The following ZNF827 variants were observed in gnomAD, a reference collection of about 807,000 sequenced individuals.
ZNF827 encodes the protein zinc finger protein 827.
A neutral mutation model predicts 102.4 loss-of-function variants in ZNF827; 13 were observed. The ratio of observed to expected loss-of-function variants is 0.13; its 90% CI spans 0.08 to 0.20. The LOEUF is 0.20. ZNF827 is among the 10% of genes least tolerant of loss of function. ZNF827 has a pLI of 1.00. For missense variants in ZNF827, 1,103 were observed against 1,344.4 expected (o/e 0.82, Z 2.81); for synonymous variants, 523 against 536.2 (o/e 0.98, Z 0.34).
At chr4:145,843,256 A>G (rs1175794155) in intron 7 of ZNF827, among the ~76,000 whole-genome samples, 1 of 150,630 alleles carries the variant, frequency 6.6e-6, no homozygotes, top group East Asian at 1.9e-4. Context: ...AGGACTTTGT[A>G]GAACTATAAG....
rs753753436 is a variant in ZNF827, at chr4:145,892,392, G to A, written c.1117C>T (p.Pro373Ser). ...NSASEEESGKPFQCPICGLVI... is the reference protein window; with the variant it reads ...NSASEEESGKSFQCPICGLVI... The stretch of plus-strand genomic sequence containing the variant: ...AAACCACATATTGGACACTGGAAAG[G>A]CTTTCCACTTTCCTCTTCTGAGGCT... Residue 373 changes from proline to serine, a missense_variant, in exon 3 of 15, where the codon CCT (proline) becomes TCT (serine). This residue lies in a region of ZNF827 where 441 missense variants were observed against 458.6 expected (regional missense o/e 0.96). Coordinates refer to ENST00000508784, the MANE Select transcript of ZNF827 (RefSeq NM_001306215.2). 6.2e-7 allele frequency: 1 copy of A among 1,613,874 alleles called. No homozygotes were observed. Among genetic ancestry groups the A allele is most frequent in the Non-Finnish European group, 8.5e-7 (1 of 1,179,876 alleles).
At chr4:145,878,427 G>A (rs1749342431) in intron 4 of ZNF827, among the ~76,000 whole-genome samples, 1 of 152,096 alleles carries the variant, frequency 6.6e-6, no homozygotes, top group Non-Finnish European at 1.5e-5. Context: ...AGGAGCTAGG[G>A]CTGAGCATGG....
chr4:145,930,194 A>G (rs1753699870), intron 1 of ZNF827, among the ~76,000 whole-genome samples: 1 of 152,260 alleles, frequency 6.6e-6, no homozygotes, highest in Non-Finnish European at 1.5e-5. Context: ...ATGTAACCTT[A>G]GAAACATCTA....
rs1465247287 is a variant in ZNF827, at chr4:145,759,825, C to T, written c.*1791G>A. On this transcript the variant is annotated 3_prime_UTR_variant, in exon 15 of 15. Coordinates refer to ENST00000508784, the MANE Select transcript of ZNF827 (RefSeq NM_001306215.2). Reference sequence around the variant, plus strand: ...TTTTAATCTCCTTGGCTGGATTTATCAACCATAAATTTTTTCACCCATACA... The same window carrying T: ...TTTTAATCTCCTTGGCTGGATTTATTAACCATAAATTTTTTCACCCATACA... 1.3e-5 allele frequency: 2 copies of T among 152,008 alleles called. No individual in the cohort carries two copies. Among genetic ancestry groups the T allele is most frequent in the African/African-American group, 4.8e-5 (2 of 41,374 alleles). 9.4% of individuals were successfully genotyped at this position (152,008 alleles called of 1,614,324 possible).
At chr4:145,823,988 G>A (rs1743417762) in intron 7 of ZNF827, among the ~76,000 whole-genome samples, 1 of 152,192 alleles carries the variant, frequency 6.6e-6, no homozygotes, top group Non-Finnish European at 1.5e-5. Flanking sequence ...TGGGGCCAGG[G>A]ACCAATACAC....
intron 1 of ZNF827, among the ~76,000 whole-genome samples, chr4:145,929,126 G>A (rs762268942): frequency 6.6e-6 from 1 of 152,196 alleles, no homozygotes; most frequent in Non-Finnish European, 1.5e-5. Flanking sequence ...TGTAACCTAC[G>A]ATATGATCTC....
At chr4:145,924,801 C>T (rs1256660030) in intron 1 of ZNF827, among the ~76,000 whole-genome samples, 1 of 152,196 alleles carries the variant, frequency 6.6e-6, no homozygotes, top group African/African-American at 2.4e-5. Context: ...CCATATTTTT[C>T]CTACTTCTTA....
intron 1 of ZNF827, among the ~76,000 whole-genome samples, chr4:145,918,583 G>A (rs1475096614): frequency 6.6e-6 from 1 of 151,512 alleles, no homozygotes; most frequent in Non-Finnish European, 1.5e-5. Flanking sequence ...ACTTGTGTAA[G>A]TCATTGAGCA....
chr4:145,870,548 C>A, intron 4 of ZNF827, 70 bp from the exon 5 acceptor site: 1 of 1,342,072 alleles, frequency 7.5e-7, no homozygotes, highest in Non-Finnish European at 1.0e-6. Context: ...CCTGGTACTT[C>A]ACGAAGTATG....
intron 1 of ZNF827, among the ~76,000 whole-genome samples, chr4:145,935,779 A>T (rs1754116715): frequency 6.6e-6 from 1 of 152,112 alleles, no homozygotes; most frequent in African/African-American, 2.4e-5. Context: ...CACCAAGCAC[A>T]CGAGCTAAAA....
At chr4:145,876,705 A>G (rs1749179165) in intron 4 of ZNF827, 1 of 152,196 alleles carries the variant, frequency 6.6e-6, no homozygotes, top group South Asian at 2.1e-4. Context: ...CTGAGTAATA[A>G]CCAAGTAGTT....
At chr4:145,914,423 G>A (rs1752527417) in intron 1 of ZNF827, among the ~76,000 whole-genome samples, 1 of 152,164 alleles carries the variant, frequency 6.6e-6, no homozygotes, top group African/African-American at 2.4e-5. Flanking sequence ...GAATCCATGA[G>A]AGCAAAGGAC....
intron 13 of ZNF827, chr4:145,764,608 A>G (rs1483709992): frequency 4.6e-6 from 1 of 217,888 alleles, no homozygotes; most frequent in Non-Finnish European, 9.2e-6. Flanking sequence ...CCATCGGAAA[A>G]ACAGAGAAGG....
Position 145,892,235 on chromosome 4 carries a change from T to G in ZNF827, c.1266+8A>C. 1.2e-6 allele frequency: 2 copies of G among 1,601,948 alleles called. No individual in the cohort carries two copies. The highest frequency in any genetic ancestry group is 1.7e-6 in the Non-Finnish European group (2 of 1,171,530). ...CTCTCCAGGAGGTGCAGTCGGTAGG[T>G]GGCTTACCTTCATGTGGGATTTGAG... On this transcript the variant is annotated splice_region_variant and intron_variant, in intron 3 of 14. Coordinates refer to ENST00000508784, the MANE Select transcript of ZNF827 (RefSeq NM_001306215.2).
intron 11 of ZNF827, among the ~76,000 whole-genome samples, chr4:145,769,225 G>C (rs1313334156): frequency 6.6e-6 from 1 of 151,326 alleles, no homozygotes; most frequent in African/African-American, 2.5e-5. Context: ...GAGGAGCAAT[G>C]GTATATGACT....
At chr4:145,793,309 A>ACATATATAATATATAT (rs1739983139) in intron 8 of ZNF827, among the ~76,000 whole-genome samples, 1 of 464 alleles carries the variant, frequency 2.2e-3, no homozygotes, top group African/African-American at 6.2e-3. Flanking sequence ...TCTTATATAT[A>ACATATATAATATATAT]CTTATATATA....
In ZNF827 at chr4:145,757,831, A is replaced by G. The variant is rs1344466260; in HGVS notation, c.*3785T>C. 1.3e-5 allele frequency: 2 copies of G among 152,202 alleles called. No homozygotes were observed. The highest frequency in any genetic ancestry group is 2.9e-5 in the Non-Finnish European group (2 of 68,036). 9.4% of individuals were successfully genotyped at this position (152,202 alleles called of 1,614,324 possible). ...ACCTTGACAGTATGATCATCTGAAC[A>G]TAATATGAAGAGTTAAAAAAAGGAT... On this transcript the variant is annotated 3_prime_UTR_variant, in exon 15 of 15. Coordinates refer to ENST00000508784, the MANE Select transcript of ZNF827 (RefSeq NM_001306215.2).
chr4:145,826,471 C>T (rs574253100), intron 7 of ZNF827, among the ~76,000 whole-genome samples: 1 of 152,180 alleles, frequency 6.6e-6, no homozygotes, highest in Non-Finnish European at 1.5e-5. Context: ...GTAGTCCCCC[C>T]TTACCCATGG....
Position 145,759,324 on chromosome 4 carries a change from C to CA in ZNF827, c.*2291dup, listed in dbSNP as rs1734212462. On this transcript the variant is annotated 3_prime_UTR_variant, in exon 15 of 15. Transcript: ENST00000508784. ...ATCACCCATTACTTTTTAAGATTAG[C>CA]AAAGAGCTTTACAACCAACCCACAC... The CA allele has an allele frequency of 6.6e-6, 1 of 152,104 alleles. No homozygotes were observed. Among genetic ancestry groups the CA allele is most frequent in the Non-Finnish European group, 1.5e-5 (1 of 68,020 alleles). 9.4% of individuals were successfully genotyped at this position (152,104 alleles called of 1,614,324 possible). A position where few individuals can be genotyped will look rare whatever the true frequency, so the allele number is the denominator to read the frequency against.
Sources: gnomAD v4.1 joint callset for allele counts (sites outside exome capture counted in the v4.1 genomes callset) on GRCh38, gnomAD v4.1.1 for gene constraint, gnomAD v4.1.1 regional missense constraint, MANE v1.5 for transcripts, NCBI Gene and HGNC (gene_info 2026-07-23, HGNC 2026-07-21) for gene names.